KAT6A: variants seen among roughly 807,000 people sequenced by gnomAD.
KAT6A encodes lysine acetyltransferase 6A, also known as histone acetyltransferase KAT6A.
A neutral mutation model predicts 198.4 loss-of-function variants in KAT6A; 9 were observed. That is an observed-to-expected ratio of 0.05 (90% CI 0.03 to 0.08). KAT6A has a LOEUF of 0.08. KAT6A is among the 10% of genes least tolerant of loss of function. The pLI, the probability that KAT6A is intolerant of heterozygous loss-of-function variation, is 1.00. For synonymous variants in KAT6A, 890 were observed against 883.0 expected (o/e 1.01, Z -0.14); for missense variants, 2,077 against 2,509.9 (o/e 0.83, Z 3.69).
chr8:42,009,484 T>C (rs1048278766), intron 2 of KAT6A, among the ~76,000 whole-genome samples: 60 of 151,728 alleles, frequency 4.0e-4, no homozygotes, highest in African/African-American at 1.2e-3. Flanking sequence ...ATAACAAGTA[T>C]CTTCATGGAA....
At chr8:42,004,691 T>C (rs1428813178) in intron 2 of KAT6A, among the ~76,000 whole-genome samples, 2 of 152,112 alleles carry the variant, frequency 1.3e-5, no homozygotes, top group Non-Finnish European at 1.5e-5. Flanking sequence ...TTTGGGAGGC[T>C]GAGGCGAACA....
At chr8:41,940,511 A>G (rs1822057416) in intron 15 of KAT6A, among the ~76,000 whole-genome samples, 1 of 152,182 alleles carries the variant, frequency 6.6e-6, no homozygotes, top group African/African-American at 2.4e-5. Flanking sequence ...TCTTTTAAAG[A>G]TATTTTAGGG....
chr8:41,950,168 G>A (rs907914614), intron 9 of KAT6A, among the ~76,000 whole-genome samples: 1 of 152,212 alleles, frequency 6.6e-6, no homozygotes, highest in African/African-American at 2.4e-5. Context: ...ATGGAAAGCA[G>A]TGTGTTGTTG....
intron 6 of KAT6A, among the ~76,000 whole-genome samples, chr8:41,978,279 G>A (rs760920398): frequency 6.6e-6 from 1 of 152,158 alleles, no homozygotes; most frequent in Non-Finnish European, 1.5e-5. Flanking sequence ...TTTCTTTCCT[G>A]TTTTTATATA....
chr8:41,981,273 G>A (rs1018847989), intron 4 of KAT6A, among the ~76,000 whole-genome samples: 1 of 152,142 alleles, frequency 6.6e-6, no homozygotes, highest in African/African-American at 2.4e-5. Context: ...AGCCAAGATC[G>A]TGCCACTGCA....
In KAT6A at chr8:42,049,271, G is replaced by C. The variant is rs939639381; in HGVS notation, c.-294C>G. 5.6e-6 allele frequency: 2 copies of C among 357,848 alleles called. No individual in the cohort carries two copies. Among genetic ancestry groups the C allele is most frequent in the Non-Finnish European group, 1.0e-5 (2 of 198,170 alleles). The allele number at this position is 357,848 out of a possible 1,614,324, so 22.2% of individuals were successfully genotyped here. ...AAGAACTCAAGAATATTTCATTCCC[G>C]GCTCCAGAGCAGAAAAATGTGCATC... On this transcript the variant is annotated 5_prime_UTR_variant, in exon 2 of 17. Coordinates refer to ENST00000265713, the MANE Select transcript of KAT6A (RefSeq NM_006766.5).
At chr8:41,963,667 C>A (rs899342541) in intron 8 of KAT6A, among the ~76,000 whole-genome samples, 1 of 152,182 alleles carries the variant, frequency 6.6e-6, no homozygotes, top group Non-Finnish European at 1.5e-5. Flanking sequence ...GACAATATCA[C>A]CAGACTTGAG....
intron 2 of KAT6A, among the ~76,000 whole-genome samples, chr8:42,014,963 T>C (rs1006637208): frequency 6.6e-6 from 1 of 152,254 alleles, no homozygotes; most frequent in African/African-American, 2.4e-5. Flanking sequence ...GGTTCAGTTC[T>C]CTAAGGAGCT....
intron 2 of KAT6A, among the ~76,000 whole-genome samples, chr8:42,011,789 A>T (rs1336594646): frequency 6.6e-6 from 1 of 152,016 alleles, no homozygotes; most frequent in Non-Finnish European, 1.5e-5. Context: ...GTGGCAAGGA[A>T]ATATTGAGGC....
Position 41,946,491 on chromosome 8 carries a change from TATACACACACACACACAC to T in KAT6A, c.1996+82_1996+99del, listed in dbSNP as rs1413975756. 2.1e-3 allele frequency: 989 copies of T among 464,192 alleles called. 14 individuals carry two copies. In the African/African-American group the frequency reaches 0.022, roughly 10 times the overall value. The allele number at this position is 464,192 out of a possible 1,614,324, so 28.8% of individuals were successfully genotyped here. On this transcript the variant is annotated intron_variant, in intron 12 of 16. Coordinates refer to ENST00000265713, the MANE Select transcript of KAT6A (RefSeq NM_006766.5). ...ACCTACAAATCTTTAAATATATATA[TATACACACACACACACAC>T]ACACACACACACACACACACACACA... is the stretch of plus-strand genomic sequence containing the variant.
chr8:41,968,420 G>A (rs374690565), intron 8 of KAT6A, among the ~76,000 whole-genome samples: 1 of 152,104 alleles, frequency 6.6e-6, no homozygotes, highest in African/African-American at 2.4e-5. Context: ...CAAAACCACA[G>A]TGAGATATCA....
intron 2 of KAT6A, among the ~76,000 whole-genome samples, chr8:42,013,513 G>A (rs756454006): frequency 2.6e-5 from 4 of 152,120 alleles, no homozygotes; most frequent in African/African-American, 7.2e-5. Flanking sequence ...GATTACAGGC[G>A]TAAGCCACCA....
At chr8:41,999,110 T>A (rs1360280081) in intron 2 of KAT6A, among the ~76,000 whole-genome samples, 1 of 152,140 alleles carries the variant, frequency 6.6e-6, no homozygotes, top group Non-Finnish European at 1.5e-5. Context: ...TTACTATGTA[T>A]GTAGATTATT....
chr8:41,982,028 G>T, intron 3 of KAT6A, 74 bp from the exon 4 acceptor site: 3 of 816,418 alleles, frequency 3.7e-6, no homozygotes, highest in Non-Finnish European at 4.2e-6. Context: ...AAGAAATGAT[G>T]TAGAAAAAGG....
chr8:42,042,635 G>C (rs76603887), intron 2 of KAT6A, among the ~76,000 whole-genome samples: 2,361 of 152,240 alleles, frequency 0.016, 76 homozygotes, highest in African/African-American at 0.054. Flanking sequence ...ATTTATCATT[G>C]GATCTTTCTG....
chr8:41,947,886 A>G lies in KAT6A; in HGVS notation c.1767T>C (p.Tyr589=), dbSNP rs1488390939. ...TTGCCAAAAGACACAGGTTTTGACA[A>G]TAAATGGTACTCACATTCCCATCAA... is the stretch of plus-strand genomic sequence containing the variant. ...FEVDGNVSTI[Y]CQNLCLLAKL... Residue 589 remains tyrosine, a synonymous_variant, in exon 11 of 17, where the codon TAT becomes TAC. Coordinates refer to ENST00000265713, the MANE Select transcript of KAT6A (RefSeq NM_006766.5). 6.9e-6 allele frequency: 11 copies of G among 1,605,656 alleles called. No individual in the cohort carries two copies. The highest frequency in any genetic ancestry group is 2.7e-5 in the African/African-American group (2 of 74,156).
At chr8:42,004,983 C>A (rs1158304469) in intron 2 of KAT6A, among the ~76,000 whole-genome samples, 1 of 151,612 alleles carries the variant, frequency 6.6e-6, no homozygotes, top group Admixed American at 6.6e-5. Context: ...CAGTCAGTAG[C>A]CTTGTAAGTC....
chr8:41,988,361 C>G (rs1191217022), intron 2 of KAT6A, among the ~76,000 whole-genome samples: 3 of 152,164 alleles, frequency 2.0e-5, no homozygotes, highest in Admixed American at 6.5e-5. Context: ...GTTGGACTCT[C>G]AAACTCATTA....
intron 2 of KAT6A, among the ~76,000 whole-genome samples, chr8:42,013,319 G>A (rs916436116): frequency 1.3e-5 from 2 of 149,910 alleles, no homozygotes; most frequent in Admixed American, 6.7e-5. Flanking sequence ...GCAGTGGCGC[G>A]ATCTTGGCTC....
Sources: allele counts gnomAD v4.1 joint callset (sites outside exome capture counted in the v4.1 genomes callset), GRCh38; gene constraint gnomAD v4.1.1; transcripts MANE v1.5; gene names NCBI Gene and HGNC (gene_info 2026-07-23, HGNC 2026-07-21).